Variants in COL4A1 observed in about 807,000 individuals in gnomAD.
COL4A1 encodes the protein collagen type IV alpha 1 chain, also known as collagen alpha-1(IV) chain.
Under a neutral mutation model 216.6 loss-of-function variants are expected in COL4A1, and 40 were observed. The observed-to-expected ratio is 0.18, with a 90% CI of 0.14 to 0.24. The LOEUF is 0.24. COL4A1 is among the 10% of genes least tolerant of loss of function. The probability of loss-of-function intolerance (pLI) is 1.00; values close to 1 mark genes in which losing one functional copy is unlikely to be tolerated. For missense variants in COL4A1, 1,628 were observed against 2,196.8 expected (o/e 0.74, Z 5.18); for synonymous variants, 839 against 810.7 (o/e 1.03, Z -0.59).
rs1293900463 is a variant in COL4A1 at position 110,166,317 on chromosome 13, G to C, written c.3950-14C>G. On this transcript the variant is annotated splice_polypyrimidine_tract_variant and intron_variant, in intron 44 of 51. Coordinates refer to ENST00000375820, the MANE Select transcript of COL4A1 (RefSeq NM_001845.6). ...GACCTTTTGGACCTAAAAGCAGAGG[G>C]AAAGCACTGTCTTGCACAGAATTCC... 6.4e-7 allele frequency: 1 copy of C among 1,559,960 alleles called. No individual in the cohort carries two copies. The highest frequency in any genetic ancestry group is 8.8e-7 in the Non-Finnish European group (1 of 1,130,768).
At chr13:110,222,581 G>C (rs960074683) in intron 2 of COL4A1, among the ~76,000 whole-genome samples, 9 of 138,534 alleles carry the variant, frequency 6.5e-5, no homozygotes, top group Non-Finnish European at 1.5e-4. Context: ...AGACCATCCT[G>C]GCTAACATGG....
intron 1 of COL4A1, among the ~76,000 whole-genome samples, chr13:110,292,775 G>A (rs1884138892): frequency 6.6e-6 from 1 of 152,096 alleles, no homozygotes; most frequent in Non-Finnish European, 1.5e-5. Flanking sequence ...ATGTAGGGAG[G>A]GACAGGAACT....
chr13:110,210,377 T>C (rs957470575), intron 8 of COL4A1, among the ~76,000 whole-genome samples, 165 bp from the exon 9 acceptor site: 16 of 152,132 alleles, frequency 1.1e-4, no homozygotes, highest in Non-Finnish European at 1.9e-4. Flanking sequence ...ATCTCTCCCA[T>C]CATGATTGCC....
Position 110,214,055 on chromosome 13 carries a change from A to G in COL4A1, c.145-40T>C, listed in dbSNP as rs189146613. Reference sequence around the variant, plus strand: ...CATCAGTCAGGCAAAAGGCAGCAGTAAAGAACAGAGGAAGGAATTGGTGAC... The same window carrying G: ...CATCAGTCAGGCAAAAGGCAGCAGTGAAGAACAGAGGAAGGAATTGGTGAC... On this transcript the variant is annotated intron_variant, in intron 2 of 51. Coordinates refer to ENST00000375820, the MANE Select transcript of COL4A1 (RefSeq NM_001845.6). 366 of 1,558,258 alleles carry G rather than the reference A, an allele frequency of 2.3e-4. 2 individuals are homozygous for G. Among genetic ancestry groups the G allele is most frequent in the South Asian group, 6.1e-4 (55 of 89,960 alleles).
chr13:110,224,011 T>TA (rs756511382), intron 2 of COL4A1, among the ~76,000 whole-genome samples: 13 of 151,840 alleles, frequency 8.6e-5, no homozygotes, highest in South Asian at 2.1e-4. Flanking sequence ...CTTACTCCAT[T>TA]AAAAAAAATA....
chr13:110,272,126 G>A (rs184062114), intron 1 of COL4A1, among the ~76,000 whole-genome samples: 80 of 152,206 alleles, frequency 5.3e-4, no homozygotes, highest in African/African-American at 1.5e-3. Flanking sequence ...AAGTTTCTCC[G>A]CCAGAAATAT....
chr13:110,290,595 TGG>T (rs1244789956), intron 1 of COL4A1, among the ~76,000 whole-genome samples: 1 of 152,156 alleles, frequency 6.6e-6, no homozygotes, highest in African/African-American at 2.4e-5. Flanking sequence ...CCAAAATCTC[TGG>T]GCACTCACCC....
At chr13:110,192,613 T>C (rs1248636761) in intron 23 of COL4A1, among the ~76,000 whole-genome samples, 1 of 152,196 alleles carries the variant, frequency 6.6e-6, no homozygotes, top group East Asian at 1.9e-4. Flanking sequence ...GGAACTGTTA[T>C]GCTGCTGTCT....
At chr13:110,219,801 T>C (rs1326160259) in intron 2 of COL4A1, among the ~76,000 whole-genome samples, 2 of 141,056 alleles carry the variant, frequency 1.4e-5, no homozygotes, top group Admixed American at 7.3e-5. Flanking sequence ...TGTATATATG[T>C]ATATATGTGT....
At chr13:110,155,768 T>C (rs7999677) in intron 49 of COL4A1, among the ~76,000 whole-genome samples, 132,474 of 151,368 alleles carry the variant, frequency 0.88, 58,000 homozygotes, top group East Asian at 0.95. Context: ...AAAAATTAGC[T>C]GGGTGTGGTG....
rs1879592010 is a variant in COL4A1, at chr13:110,207,894, A to G, written c.694-405T>C. On this transcript the variant is annotated intron_variant, in intron 12 of 51. Transcript: ENST00000375820. The surrounding 1 kb of genome is among the most constrained non-coding windows in gnomAD (Gnocchi z 4.4). ...TAATCCCAGAATAAGACAACCATCA[A>G]GAGTCTCCCTCCTCGGGCATCCTAA... is the stretch of plus-strand genomic sequence containing the variant. Among the ~76,000 whole-genome samples, 1 of 140,410 alleles carries G rather than the reference A, an allele frequency of 7.1e-6. No individual in the cohort carries two copies. Among genetic ancestry groups the G allele is most frequent in the Admixed American group, 7.4e-5 (1 of 13,550 alleles). The allele number at this position is 140,410 out of a possible 152,430, so 92.1% of individuals were successfully genotyped here. A position where few individuals can be genotyped will look rare whatever the true frequency, so the allele number is the denominator to read the frequency against.
Position 110,268,381 on chromosome 13 carries a change from G to A in COL4A1, c.85-25647C>T, listed in dbSNP as rs1883121810. Among the ~76,000 whole-genome samples, 1 of 152,224 alleles carries A rather than the reference G, an allele frequency of 6.6e-6. No homozygotes were observed. Among genetic ancestry groups the A allele is most frequent in the South Asian group, 2.1e-4 (1 of 4,826 alleles). ...CTTGGGTGGGGAGGGGAGGGAAAGG[G>A]AGGTGAGTATGCAGAAGCCGGCATG... is the stretch of plus-strand genomic sequence containing the variant. On this transcript the variant is annotated intron_variant, in intron 1 of 51. Transcript: ENST00000375820. The surrounding 1 kb of genome is among the most constrained non-coding windows in gnomAD (Gnocchi z 4.1).
intron 49 of COL4A1, among the ~76,000 whole-genome samples, chr13:110,160,599 C>T (rs1877038277): frequency 6.6e-6 from 1 of 152,208 alleles, no homozygotes; most frequent in Non-Finnish European, 1.5e-5. Flanking sequence ...TCACCTTGCT[C>T]ACAGGAGGAA....
chr13:110,157,353 C>T lies in COL4A1; in HGVS notation c.4641-1956G>A, dbSNP rs1455245569. Among the ~76,000 whole-genome samples the T allele has an allele frequency of 2.6e-5, 4 of 152,344 alleles. No homozygotes were observed. The South Asian group carries it at 8.3e-4, about 32-fold the overall frequency. ...TCGGATGAAAGCTGGAAAACTGCCA[C>T]CTTTTCTGCTCAAAACGAAGGCTTT... On this transcript the variant is annotated intron_variant, in intron 49 of 51. Coordinates refer to ENST00000375820, the MANE Select transcript of COL4A1 (RefSeq NM_001845.6).
At chr13:110,184,894 T>G (rs1378672511) in intron 26 of COL4A1, among the ~76,000 whole-genome samples, 1 of 151,926 alleles carries the variant, frequency 6.6e-6, no homozygotes, top group African/African-American at 2.4e-5. Flanking sequence ...GGCCTCGAGC[T>G]CCTGACCTCA....
Position 110,183,070 on chromosome 13 carries a change from C to G in COL4A1, c.2018G>C (p.Gly673Ala). Residue 673 changes from glycine (G) to alanine (A), a missense_variant, in exon 28 of 52, where the codon GGA becomes GCA. By Grantham distance (60) the Gly-to-Ala change is moderately conservative (BLOSUM62 0). Coordinates refer to ENST00000375820, the MANE Select transcript of COL4A1 (RefSeq NM_001845.6). Reference sequence around the variant, plus strand: ...CTTCTCTCCTGGCAGGCCTGGCCTTCCTGGGGTTCCGGGAAAGCCTCGGTC... The same window carrying G: ...CTTCTCTCCTGGCAGGCCTGGCCTTGCTGGGGTTCCGGGAAAGCCTCGGTC... ...QGDRGFPGTP[G>A]RPGLPGEKGA... 2 of 1,613,246 alleles carry G rather than the reference C, an allele frequency of 1.2e-6. No homozygotes were observed. Among genetic ancestry groups the G allele is most frequent in the Non-Finnish European group, 1.7e-6 (2 of 1,179,822 alleles).
At chr13:110,243,222 G>A (rs1441920657) in intron 1 of COL4A1, among the ~76,000 whole-genome samples, 5 of 152,124 alleles carry the variant, frequency 3.3e-5, no homozygotes, top group Non-Finnish European at 7.3e-5. Context: ...GGAATGAGCT[G>A]ATTTTTAAGC....
At chr13:110,218,086 G>A (rs1034673158) in intron 2 of COL4A1, among the ~76,000 whole-genome samples, 1 of 152,054 alleles carries the variant, frequency 6.6e-6, no homozygotes, top group African/African-American at 2.4e-5. Flanking sequence ...AAATACCCAG[G>A]ACAGCTGAAG....
chr13:110,188,903 C>T (rs1485313982), intron 24 of COL4A1, among the ~76,000 whole-genome samples: 3 of 152,198 alleles, frequency 2.0e-5, no homozygotes, highest in Non-Finnish European at 1.5e-5. Context: ...ACTCCTGGCC[C>T]AATCCCATCA....
Sources: gnomAD v4.1 joint callset for allele counts (sites outside exome capture counted in the v4.1 genomes callset) on GRCh38, gnomAD v4.1.1 for gene constraint, Gnocchi (gnomAD v3.1) non-coding constraint, MANE v1.5 for transcripts, NCBI Gene and HGNC (gene_info 2026-07-23, HGNC 2026-07-21) for gene names.